COL15A1: variants seen among roughly 807,000 people sequenced by gnomAD.
COL15A1 encodes the protein collagen type XV alpha 1 chain, also known as collagen alpha-1(XV) chain.
A neutral mutation model predicts 165.9 loss-of-function variants in COL15A1; 111 were observed. The ratio of observed to expected loss-of-function variants is 0.67; its 90% confidence interval spans 0.57 to 0.78. COL15A1 has a LOEUF of 0.78. COL15A1 is among the 30% of genes least tolerant of loss of function. The probability of loss-of-function intolerance (pLI) is 0.00; values close to 1 mark genes in which losing one functional copy is unlikely to be tolerated. For missense variants in COL15A1, 1,745 were observed against 1,789.7 expected (o/e 0.98, Z 0.45); for synonymous variants, 659 against 674.8 (o/e 0.98, Z 0.36).
chr9:99,036,014 C>A (rs571336598), intron 19 of COL15A1, among the ~76,000 whole-genome samples, 156 bp from the exon 20 acceptor site: 39 of 152,300 alleles, frequency 2.6e-4, no homozygotes, highest in African/African-American at 9.1e-4. Context: ...GTGTTGCTTC[C>A]TTCTGACTCC....
rs1241516477 is a variant in COL15A1 at position 99,036,191 on chromosome 9, G to C, written c.2311G>C (p.Asp771His). 6.2e-7 allele frequency: 1 copy of C among 1,613,150 alleles called. No individual in the cohort carries two copies. The highest frequency in any genetic ancestry group is 8.5e-7 in the Non-Finnish European group (1 of 1,179,208). Residue 771 changes from aspartate (D) to histidine (H), a missense_variant, in exon 20 of 42, where the codon GAC (aspartate) becomes CAC (histidine). By Grantham distance (81) the Asp-to-His change is moderately conservative (BLOSUM62 -1). Transcript: ENST00000375001. ...AAIGLKGEKG[D>H]RGPKGERGMD... ...CCAGGGTCTCAAAGGAGAGAAAGGA[G>C]ACCGGGGACCCAAGGTGAGGTCACA...
At chr9:98,974,564 G>T (rs1354196051) in intron 2 of COL15A1, among the ~76,000 whole-genome samples, 2 of 152,320 alleles carry the variant, frequency 1.3e-5, no homozygotes, top group East Asian at 3.9e-4. Context: ...AGGCGCAGAG[G>T]AGGGGGACTG....
In COL15A1 at chr9:99,049,842, C is replaced by T. The variant is rs1307309789; in HGVS notation, c.2863-12C>T. 2 of 1,614,242 alleles carry T rather than the reference C, an allele frequency of 1.2e-6. No homozygotes were observed. The highest frequency in any genetic ancestry group is 1.7e-6 in the Non-Finnish European group (2 of 1,180,042). On this transcript the variant is annotated splice_polypyrimidine_tract_variant and intron_variant, in intron 29 of 41. Coordinates refer to ENST00000375001, the MANE Select transcript of COL15A1 (RefSeq NM_001855.5). ...CTGTTGACCTCACCTCTCTTGTTCTCATTACCCACAGGCCATTTTCCCAAT... is the reference window on the plus strand; with the variant it reads ...CTGTTGACCTCACCTCTCTTGTTCTTATTACCCACAGGCCATTTTCCCAAT...
At position 99,003,553 on chromosome 9, in the gene COL15A1, T is replaced by C. The variant is rs903606036; in HGVS notation, c.1166T>C (p.Met389Thr). The C allele has an allele frequency of 1.1e-5, 17 of 1,559,370 alleles. No homozygotes were observed. The highest frequency in any genetic ancestry group is 1.4e-5 in the Non-Finnish European group (16 of 1,151,868). The change falls in exon 8 of 42, where the codon ATG becomes ACG. Residue 389 changes from methionine (M) to threonine (T), a missense_variant. Coordinates refer to ENST00000375001, the MANE Select transcript of COL15A1 (RefSeq NM_001855.5). Reference protein sequence around the residue: ...SVPTGGPTLSMSTENPEEGVT... With the variant: ...SVPTGGPTLSTSTENPEEGVT... ...CCCACCGGGGGACCAACCCTCTCTA[T>C]GTCCACGGAGAACCCAGAGGAAGGG...
chr9:98,966,385 C>A (rs1421926587), intron 2 of COL15A1, among the ~76,000 whole-genome samples: 1 of 152,180 alleles, frequency 6.6e-6, no homozygotes, highest in Non-Finnish European at 1.5e-5. Flanking sequence ...ACAGGAGGAC[C>A]AGGGATCTTA....
At chr9:99,061,777 A>C (rs1338792065) in intron 36 of COL15A1, among the ~76,000 whole-genome samples, 194 bp from the exon 37 acceptor site, 2 of 152,152 alleles carry the variant, frequency 1.3e-5, no homozygotes, top group East Asian at 3.8e-4. Context: ...CAAAGTATAC[A>C]TGTTTTTGTT....
At chr9:98,950,649 G>A (rs1372808075) in intron 2 of COL15A1, among the ~76,000 whole-genome samples, 1 of 140,200 alleles carries the variant, frequency 7.1e-6, no homozygotes, top group Non-Finnish European at 1.5e-5. Flanking sequence ...GTCTCACTCT[G>A]TCACCCAGGC....
At chr9:99,017,082 G>T (rs1473381190) in intron 11 of COL15A1, among the ~76,000 whole-genome samples, 1 of 152,232 alleles carries the variant, frequency 6.6e-6, no homozygotes, top group South Asian at 2.1e-4. Context: ...TGGGCCCTCA[G>T]TCAGGACACT....
At chr9:98,982,650 T>TC (rs1246937029) in intron 2 of COL15A1, among the ~76,000 whole-genome samples, 3 of 145,858 alleles carry the variant, frequency 2.1e-5, no homozygotes, top group South Asian at 4.3e-4. Context: ...GCCTTTTTTC[T>TC]TTTTTTTTTT....
chr9:99,052,986 G>A (rs771924618), intron 31 of COL15A1, among the ~76,000 whole-genome samples: 8 of 152,318 alleles, frequency 5.3e-5, no homozygotes, highest in East Asian at 1.9e-4. Context: ...ATCAGAACCC[G>A]TGTTTTAACC....
At chr9:99,004,272 C>T (rs1401421689) in intron 8 of COL15A1, among the ~76,000 whole-genome samples, 4 of 152,048 alleles carry the variant, frequency 2.6e-5, no homozygotes, top group South Asian at 2.1e-4. Flanking sequence ...AGAAAGAGGC[C>T]GGGCTTGGGG....
chr9:98,984,229 CT>C (rs1838273703), intron 2 of COL15A1, among the ~76,000 whole-genome samples: 1 of 152,230 alleles, frequency 6.6e-6, no homozygotes. Context: ...TCTTGTCCCC[CT>C]CTCCCTGGGA....
At chr9:99,012,020 A>C (rs1331621037) in intron 9 of COL15A1, among the ~76,000 whole-genome samples, 1 of 152,208 alleles carries the variant, frequency 6.6e-6, no homozygotes, top group Non-Finnish European at 1.5e-5. Flanking sequence ...TTTTGGGCTG[A>C]GTTTATAGTT....
At chr9:99,000,616 T>G (rs1180892564) in intron 6 of COL15A1, among the ~76,000 whole-genome samples, 1 of 152,206 alleles carries the variant, frequency 6.6e-6, no homozygotes, top group Non-Finnish European at 1.5e-5. Flanking sequence ...ATAAGGAACT[T>G]GAGGCAGAAG....
chr9:98,975,054 T>G (rs1367502781), intron 2 of COL15A1, among the ~76,000 whole-genome samples: 1 of 152,108 alleles, frequency 6.6e-6, no homozygotes, highest in Non-Finnish European at 1.5e-5. Context: ...AAGCCTTCCT[T>G]GCAGTTGGTG....
At position 99,003,569 on chromosome 9, in the gene COL15A1, A is replaced by G. The variant is rs139553649; in HGVS notation, c.1182A>G (p.Pro394=). The stretch of plus-strand genomic sequence containing the variant: ...CCCTCTCTATGTCCACGGAGAACCC[A>G]GAGGAAGGGGTCACTCCAGTAAGTA... ...GPTLSMSTEN[P]EEGVTPGPDN... Residue 394 remains proline, a synonymous_variant, in exon 8 of 42, where the codon CCA becomes CCG. Coordinates refer to ENST00000375001, the MANE Select transcript of COL15A1 (RefSeq NM_001855.5). 20 of 1,538,904 alleles carry G rather than the reference A, an allele frequency of 1.3e-5. No individual in the cohort carries two copies. Among genetic ancestry groups the G allele is most frequent in the Non-Finnish European group, 1.2e-5 (14 of 1,142,064 alleles).
At chr9:99,044,101 T>A (rs1189836357) in intron 24 of COL15A1, among the ~76,000 whole-genome samples, 1 of 152,172 alleles carries the variant, frequency 6.6e-6, no homozygotes, top group East Asian at 1.9e-4. Flanking sequence ...AGAATAAGTA[T>A]TCTTGGTGGG....
intron 19 of COL15A1, 46 bp from the exon 20 acceptor site, chr9:99,036,124 T>C (rs755844671): frequency 6.7e-7 from 1 of 1,486,952 alleles, no homozygotes; most frequent in Non-Finnish European, 9.4e-7. Flanking sequence ...TAGATGGAGG[T>C]GAGCAAAGTG....
chr9:98,993,757 A>AT (rs1236374577), intron 5 of COL15A1, among the ~76,000 whole-genome samples: 1 of 151,938 alleles, frequency 6.6e-6, no homozygotes, highest in South Asian at 2.1e-4. Context: ...GCTTTATGGC[A>AT]TTTTCCGGCA....
Sources: gnomAD v4.1 joint callset for allele counts (sites outside exome capture counted in the v4.1 genomes callset) on GRCh38, gnomAD v4.1.1 for gene constraint, MANE v1.5 for transcripts, NCBI Gene and HGNC (gene_info 2026-07-23, HGNC 2026-07-21) for gene names.